Variants in ASIC2 observed in about 807,000 individuals in gnomAD.
ASIC2 encodes the protein acid-sensing ion channel 2.
A neutral mutation model predicts 57.3 loss-of-function variants in ASIC2; 25 were observed. The observed-to-expected ratio is 0.44, with a 90% confidence interval of 0.32 to 0.61. ASIC2 has a LOEUF of 0.61. ASIC2 is among the 20% of genes least tolerant of loss of function. ASIC2 has a pLI of 0.06. For missense variants in ASIC2, 641 were observed against 738.1 expected (o/e 0.87, Z 1.52); for synonymous variants, 319 against 307.5 (o/e 1.04, Z -0.39).
intron 1 of ASIC2, among the ~76,000 whole-genome samples, chr17:33,167,317 T>G (rs1905342000): frequency 6.6e-6 from 1 of 152,142 alleles, no homozygotes; most frequent in Non-Finnish European, 1.5e-5. Flanking sequence ...TTGGGACTCC[T>G]CTCTTGACCT....
chr17:33,203,340 C>A (rs1387820303), intron 1 of ASIC2, among the ~76,000 whole-genome samples: 1 of 152,218 alleles, frequency 6.6e-6, no homozygotes, highest in African/African-American at 2.4e-5. Context: ...TTCTGGGTAG[C>A]AATTCCTCTG....
At chr17:33,265,333 A>G (rs1909421589) in intron 1 of ASIC2, among the ~76,000 whole-genome samples, 1 of 152,264 alleles carries the variant, frequency 6.6e-6, no homozygotes, top group Non-Finnish European at 1.5e-5. Context: ...AGCCATAAAA[A>G]GGAAAGAGAT....
chr17:33,396,623 C>T (rs978989572), intron 1 of ASIC2, among the ~76,000 whole-genome samples: 5 of 152,044 alleles, frequency 3.3e-5, no homozygotes, highest in African/African-American at 1.2e-4. Flanking sequence ...GAAGTGGCCC[C>T]CAAATAATTT....
At chr17:33,506,927 C>T (rs550042541) in intron 1 of ASIC2, among the ~76,000 whole-genome samples, 1 of 152,302 alleles carries the variant, frequency 6.6e-6, no homozygotes, top group East Asian at 1.9e-4. Context: ...ACATGGTCTT[C>T]ACTGCAGGGA....
chr17:33,932,577 G>GT (rs1437380456), intron 1 of ASIC2: 1 of 151,184 alleles, frequency 6.6e-6, no homozygotes, highest in Non-Finnish European at 1.5e-5. Context: ...GCCGAGCATG[G>GT]TGGCACATGC....
chr17:33,216,764 A>G (rs1666715274), intron 1 of ASIC2, among the ~76,000 whole-genome samples: 1 of 152,218 alleles, frequency 6.6e-6, no homozygotes, highest in African/African-American at 2.4e-5. Flanking sequence ...AGGGTTTTAA[A>G]GAGGAGAGGA....
At chr17:34,086,213 T>C (rs1257090493) in intron 1 of ASIC2, among the ~76,000 whole-genome samples, 12 of 150,204 alleles carry the variant, frequency 8.0e-5, no homozygotes, top group East Asian at 3.9e-4. Flanking sequence ...GCTTTGAATG[T>C]GTCCCAGAGA....
At chr17:33,881,913 T>G (rs1423124991) in intron 1 of ASIC2, among the ~76,000 whole-genome samples, 1 of 152,106 alleles carries the variant, frequency 6.6e-6, no homozygotes, top group Non-Finnish European at 1.5e-5. Context: ...AAAACAGAGA[T>G]ATAGACCAAT....
intron 2 of ASIC2, among the ~76,000 whole-genome samples, chr17:33,106,633 C>G (rs980653567): frequency 1.3e-5 from 2 of 152,192 alleles, no homozygotes; most frequent in South Asian, 4.1e-4. Context: ...CAACCACCAT[C>G]GGCCCAACTT....
At chr17:34,061,331 A>C (rs1197623998) in intron 1 of ASIC2, among the ~76,000 whole-genome samples, 2 of 152,208 alleles carry the variant, frequency 1.3e-5, no homozygotes, top group Non-Finnish European at 2.9e-5. Flanking sequence ...CCACCACTAC[A>C]ATAACTGCTA....
At chr17:34,155,895 G>A in intron 1 of ASIC2, 1 of 1,479,856 alleles carries the variant, frequency 6.8e-7, no homozygotes, top group Non-Finnish European at 9.0e-7. Context: ...AAAGCACAAG[G>A]AAACCCCAAA....
chr17:33,790,342 T>C (rs961150190), intron 1 of ASIC2, among the ~76,000 whole-genome samples: 2 of 152,168 alleles, frequency 1.3e-5, no homozygotes, highest in Admixed American at 1.3e-4. Context: ...CTCTAGAAAA[T>C]TGTTATCACA....
chr17:33,246,751 C>A (rs1259906716), intron 1 of ASIC2, among the ~76,000 whole-genome samples: 2 of 152,206 alleles, frequency 1.3e-5, no homozygotes, highest in Non-Finnish European at 2.9e-5. Context: ...TTCCTATAGT[C>A]ACATAGAAGC....
chr17:33,563,537 C>T (rs79622649), intron 1 of ASIC2, among the ~76,000 whole-genome samples: 15 of 152,340 alleles, frequency 9.8e-5, no homozygotes, highest in Non-Finnish European at 1.8e-4. Context: ...TGAAGGTACT[C>T]TTGGCCTTTA....
intron 1 of ASIC2, among the ~76,000 whole-genome samples, chr17:33,914,949 G>A (rs1567754883): frequency 6.6e-6 from 1 of 152,182 alleles, no homozygotes; most frequent in Non-Finnish European, 1.5e-5. Context: ...CGGAAGGCAT[G>A]ATCCATCATG....
chr17:33,287,319 T>A (rs1001378735), intron 1 of ASIC2, among the ~76,000 whole-genome samples: 1 of 152,226 alleles, frequency 6.6e-6, no homozygotes, highest in Non-Finnish European at 1.5e-5. Context: ...AACCATGCCA[T>A]CTGCCAGAGA....
At chr17:34,039,923 C>G in intron 1 of ASIC2, 1 of 1,462,360 alleles carries the variant, frequency 6.8e-7, no homozygotes, top group Non-Finnish European at 9.5e-7. Flanking sequence ...CTGGAGGGAC[C>G]CCGACCCGAC....
chr17:34,116,904 A>G (rs980530318), intron 1 of ASIC2, among the ~76,000 whole-genome samples: 1 of 152,088 alleles, frequency 6.6e-6, no homozygotes, highest in Admixed American at 6.6e-5. Flanking sequence ...GTGGGTGTGT[A>G]CCAAGTGTAT....
intron 1 of ASIC2, among the ~76,000 whole-genome samples, chr17:33,193,923 C>A (rs1265798221): frequency 6.6e-6 from 1 of 152,142 alleles, no homozygotes; most frequent in East Asian, 1.9e-4. Context: ...TTACTACTGG[C>A]CATCTCTGGG....
Sources: gnomAD v4.1 joint callset for allele counts (sites outside exome capture counted in the v4.1 genomes callset) on GRCh38, gnomAD v4.1.1 for gene constraint, MANE v1.5 for transcripts, NCBI Gene and HGNC (gene_info 2026-07-23, HGNC 2026-07-21) for gene names.